The following VCL variants were observed in gnomAD, a reference collection of about 807,000 sequenced individuals.
VCL encodes epididymis luminal protein 114.
VCL carries 47 observed loss-of-function variants against 125.7 expected under a neutral mutation model. The observed-to-expected ratio is 0.37, with a 90% CI of 0.30 to 0.48. The LOEUF is 0.48. Among genes scored for constraint, VCL ranks in the 20% least tolerant of loss-of-function variants. The probability of loss-of-function intolerance (pLI) is 0.99; values close to 1 mark genes in which losing one functional copy is unlikely to be tolerated. For synonymous variants in VCL, 458 were observed against 514.6 expected, an observed-to-expected ratio of 0.89 and a Z score of 1.49; for missense variants, 1,069 against 1,455.5, an observed-to-expected ratio of 0.73 and a Z score of 4.32.
At chr10:74,047,476 T>G (rs1226771890) in intron 2 of VCL, among the ~76,000 whole-genome samples, 2 of 152,200 alleles carry the variant, frequency 1.3e-5, no homozygotes, top group Admixed American at 1.3e-4. Flanking sequence ...AGTAGGACAT[T>G]CTTTTGAGCT....
At chr10:74,101,542 G>GTTTTTTTTTTTTTTTT (rs964739371) in intron 14 of VCL, among the ~76,000 whole-genome samples, 1 of 88,142 alleles carries the variant, frequency 1.1e-5, no homozygotes, top group Non-Finnish European at 2.1e-5. Flanking sequence ...CTATTTATTA[G>GTTTTTTTTTTTTTTTT]TTTTTTTTTT....
intron 1 of VCL, among the ~76,000 whole-genome samples, chr10:74,033,590 T>G (rs918224303): frequency 6.6e-6 from 1 of 152,210 alleles, no homozygotes; most frequent in African/African-American, 2.4e-5. Context: ...TCTTTCCAGC[T>G]TTTTTCACCA....
chr10:74,020,136 A>G (rs1481032253), intron 1 of VCL, among the ~76,000 whole-genome samples: 1 of 152,256 alleles, frequency 6.6e-6, no homozygotes, highest in South Asian at 2.1e-4. Flanking sequence ...TCTATTTTAC[A>G]GGTAAGGAAA....
At chr10:74,053,578 T>A (rs549943507) in intron 2 of VCL, among the ~76,000 whole-genome samples, 6 of 152,200 alleles carry the variant, frequency 3.9e-5, no homozygotes, top group Middle Eastern at 6.8e-3. Context: ...AATACCTTAT[T>A]TTTAATATTT....
At chr10:74,108,852 TG>T in intron 17 of VCL, 118 bp from the exon 18 acceptor site, 1 of 1,058,412 alleles carries the variant, frequency 9.4e-7, no homozygotes, top group Non-Finnish European at 1.5e-6. Flanking sequence ...TCAGTGTGGG[TG>T]GTCTTATGTG....
chr10:74,105,314 A>T lies in VCL; in HGVS notation c.2395A>T (p.Met799Leu). 6.2e-7 allele frequency: 1 copy of T among 1,612,718 alleles called. No homozygotes were observed. Among genetic ancestry groups the T allele is most frequent in the Non-Finnish European group, 8.5e-7 (1 of 1,179,958 alleles). The change falls in exon 16 of 22, where the codon ATG becomes TTG. Residue 799 changes from methionine (M) to leucine (L), a missense_variant. Coordinates refer to ENST00000211998, the MANE Select transcript of VCL (RefSeq NM_014000.3). ...GAGCAAAACCATCTCCCCGATGGTG[A>T]TGGATGCAAAAGCTGTGGCTGGAAA... The part of the protein sequence containing the change: ...ELSKTISPMV[M>L]DAKAVAGNIS...
chr10:74,063,678 A>G (rs956761189), intron 2 of VCL: 1 of 152,230 alleles, frequency 6.6e-6, no homozygotes, highest in African/African-American at 2.4e-5. Flanking sequence ...ACATTTTGTC[A>G]CCAGCAGACT....
At chr10:74,035,981 A>T (rs371136942) in intron 1 of VCL, among the ~76,000 whole-genome samples, 1 of 152,308 alleles carries the variant, frequency 6.6e-6, no homozygotes, top group East Asian at 1.9e-4. Context: ...GATGTGTGTA[A>T]GTTATATTCA....
chr10:74,042,598 G>T (rs1402358563), intron 1 of VCL, among the ~76,000 whole-genome samples: 1 of 151,948 alleles, frequency 6.6e-6, no homozygotes, highest in Non-Finnish European at 1.5e-5. Flanking sequence ...CAGTTTTTTT[G>T]ATTACTAGTG....
intron 21 of VCL, among the ~76,000 whole-genome samples, chr10:74,116,314 T>C (rs1327155259): frequency 6.6e-6 from 1 of 152,192 alleles, no homozygotes; most frequent in East Asian, 1.9e-4. Flanking sequence ...ATGGGAACTG[T>C]ATCTTCACAC....
chr10:74,044,075 C>T (rs925958150), intron 2 of VCL, among the ~76,000 whole-genome samples: 1 of 151,678 alleles, frequency 6.6e-6, no homozygotes, highest in Non-Finnish European at 1.5e-5. Context: ...CACGCCACTG[C>T]ACTCCAGTCT....
At chr10:74,101,175 A>C in intron 14 of VCL, 78 bp downstream of exon 14, 1 of 1,547,602 alleles carries the variant, frequency 6.5e-7, no homozygotes, top group Non-Finnish European at 8.8e-7. Flanking sequence ...ATTTTTGAAT[A>C]CTTACCGTAA....
rs1839985892 is a variant in VCL at position 74,097,326 on chromosome 10, GGAA to G, written c.1869_1871del (p.Glu624del). The G allele has an allele frequency of 1.2e-6, 2 of 1,613,136 alleles. No homozygotes were observed. The highest frequency in any genetic ancestry group is 1.7e-6 in the Non-Finnish European group (2 of 1,179,762). ...CGGCGCCTCCTGATGCGCCTAACAGGGAAGAGGTGGGTATCTGAGGTCTTCCAT... is the reference window on the plus strand; with the variant it reads ...CGGCGCCTCCTGATGCGCCTAACAGGGAGGTGGGTATCTGAGGTCTTCCAT... On this transcript the variant is annotated inframe_deletion, in exon 13 of 22. Coordinates refer to ENST00000211998, the MANE Select transcript of VCL (RefSeq NM_014000.3). The surrounding 1 kb of genome is among the most constrained non-coding windows in gnomAD (Gnocchi z 4.1).
intron 2 of VCL, among the ~76,000 whole-genome samples, chr10:74,065,414 G>A (rs1002563284): frequency 1.3e-5 from 2 of 152,144 alleles, no homozygotes; most frequent in Admixed American, 1.3e-4. Flanking sequence ...TGGGTTTACA[G>A]GTGTGAGCCA....
chr10:74,097,146 A>C lies in VCL; in HGVS notation c.1744-58A>C. ...TGAATGTCAGTGAAGTAAGGGCATT[A>C]GTAGATATGCTTTGAGGATGTATCT... On this transcript the variant is annotated intron_variant, in intron 12 of 21. Coordinates refer to ENST00000211998, the MANE Select transcript of VCL (RefSeq NM_014000.3). This position sits in a 1 kb window ranked among gnomAD's most constrained non-coding sequence, Gnocchi z 4.1. 6.2e-7 allele frequency: 1 copy of C among 1,600,554 alleles called. No individual in the cohort carries two copies.
At chr10:74,075,170 A>C (rs957543097) in intron 6 of VCL, 5 of 455,328 alleles carry the variant, frequency 1.1e-5, no homozygotes, top group African/African-American at 9.9e-5. Context: ...ATCAGGCTGG[A>C]GTCTTATTGG....
intron 10 of VCL, among the ~76,000 whole-genome samples, chr10:74,091,852 A>G (rs1839892676): frequency 6.6e-6 from 1 of 151,344 alleles, no homozygotes; most frequent in South Asian, 2.1e-4. Context: ...CAGAGTATCT[A>G]AATTAGCTGT....
intron 5 of VCL, among the ~76,000 whole-genome samples, chr10:74,074,300 CGG>C (rs1237701997): frequency 2.0e-5 from 3 of 152,088 alleles, no homozygotes; most frequent in Non-Finnish European, 4.4e-5. Flanking sequence ...AGAGAAATCT[CGG>C]ATGATAAACT....
chr10:74,105,542 T>C (rs1169690109), intron 16 of VCL, among the ~76,000 whole-genome samples, 189 bp downstream of exon 16: 2 of 152,196 alleles, frequency 1.3e-5, no homozygotes, highest in Non-Finnish European at 2.9e-5. Context: ...GCTTGTTGTA[T>C]GTTAGTTTTT....
Sources: allele counts gnomAD v4.1 joint callset (sites outside exome capture counted in the v4.1 genomes callset), GRCh38; gene constraint gnomAD v4.1.1; non-coding constraint Gnocchi (gnomAD v3.1); transcripts MANE v1.5; gene names NCBI Gene and HGNC (gene_info 2026-07-23, HGNC 2026-07-21).